Variants in EYS observed in about 807,000 individuals in gnomAD.
EYS encodes the protein EGF-like photoreceptor maintenance factor.
In EYS, 250 loss-of-function variants were observed where a neutral mutation model predicts 282.1. The observed-to-expected ratio is 0.89, with a 90% CI of 0.80 to 0.98. The LOEUF (loss-of-function observed/expected upper bound fraction) is 0.98. Among genes scored for constraint, EYS ranks in the 50% least tolerant of loss-of-function variants. EYS has a pLI of 0.00. For missense variants in EYS, 4,016 were observed against 3,709.0 expected (o/e 1.08, Z -2.15); for synonymous variants, 1,355 against 1,282.9 (o/e 1.06, Z -1.20).
chr6:63,989,474 G>T (rs554440703), intron 34 of EYS, among the ~76,000 whole-genome samples: 3 of 151,572 alleles, frequency 2.0e-5, no homozygotes, highest in Admixed American at 2.0e-4. Flanking sequence ...GCAGTTAAAG[G>T]ATCTCTCTCT....
intron 19 of EYS, among the ~76,000 whole-genome samples, chr6:64,828,802 C>A (rs1266720227): frequency 1.3e-5 from 2 of 151,980 alleles, no homozygotes; most frequent in Non-Finnish European, 2.9e-5. Context: ...TAAGTTCATA[C>A]TGTTTCTGTC....
At chr6:64,098,446 G>GA (rs1231527028) in intron 31 of EYS, among the ~76,000 whole-genome samples, 2 of 151,758 alleles carry the variant, frequency 1.3e-5, no homozygotes, top group East Asian at 1.9e-4. Context: ...TAAATTTTTA[G>GA]AAAAAATAAA....
intron 31 of EYS, among the ~76,000 whole-genome samples, chr6:64,215,605 C>G (rs904652256): frequency 6.6e-6 from 1 of 151,870 alleles, no homozygotes; most frequent in Non-Finnish European, 1.5e-5. Flanking sequence ...AAGGTATTTG[C>G]CAAATATACC....
intron 19 of EYS, among the ~76,000 whole-genome samples, chr6:64,838,567 T>C (rs1765458609): frequency 6.6e-6 from 1 of 151,814 alleles, no homozygotes; most frequent in East Asian, 1.9e-4. Flanking sequence ...CTAAATGATA[T>C]GTAACAATAT....
intron 30 of EYS, among the ~76,000 whole-genome samples, chr6:64,251,809 A>G (rs1452575371): frequency 6.6e-6 from 1 of 152,158 alleles, no homozygotes; most frequent in Non-Finnish European, 1.5e-5. Context: ...GGTTAATGAG[A>G]CCCACAGACA....
intron 30 of EYS, among the ~76,000 whole-genome samples, chr6:64,278,236 T>C (rs1047292978): frequency 3.3e-5 from 5 of 152,174 alleles, no homozygotes; most frequent in Non-Finnish European, 7.4e-5. Flanking sequence ...AGAAAGTTTA[T>C]GTAACTGCTA....
chr6:64,889,353 A>AT (rs558106163), intron 18 of EYS, among the ~76,000 whole-genome samples: 26 of 151,282 alleles, frequency 1.7e-4, no homozygotes, highest in South Asian at 1.0e-3. Flanking sequence ...CTGAGTATTA[A>AT]TTTTTTTTTG....
intron 12 of EYS, among the ~76,000 whole-genome samples, chr6:65,073,540 A>C (rs1057245300): frequency 2.6e-5 from 4 of 151,888 alleles, no homozygotes; most frequent in African/African-American, 9.7e-5. Flanking sequence ...TATTGTATAT[A>C]ATGCCTACAG....
At chr6:63,917,447 T>G (rs1764454551) in intron 35 of EYS, among the ~76,000 whole-genome samples, 1 of 152,254 alleles carries the variant, frequency 6.6e-6, no homozygotes, top group South Asian at 2.1e-4. Flanking sequence ...TTTGGCATTT[T>G]CCTCTGTTCA....
intron 12 of EYS, among the ~76,000 whole-genome samples, chr6:65,291,301 G>T (rs529269053): frequency 6.6e-6 from 1 of 151,406 alleles, no homozygotes; most frequent in Non-Finnish European, 1.5e-5. Flanking sequence ...TTAATAATTG[G>T]CATAGTGAAT....
At chr6:64,715,747 T>C (rs1583072958) in intron 22 of EYS, among the ~76,000 whole-genome samples, 2 of 152,248 alleles carry the variant, frequency 1.3e-5, no homozygotes, top group South Asian at 4.1e-4. Context: ...CTCATTGCCC[T>C]CATAATTCCC....
chr6:65,343,322 T>G (rs1562109247), intron 10 of EYS, among the ~76,000 whole-genome samples: 1 of 151,320 alleles, frequency 6.6e-6, no homozygotes, highest in African/African-American at 2.4e-5. Context: ...ATGGCTTTCT[T>G]AAAATGACCA....
intron 31 of EYS, among the ~76,000 whole-genome samples, chr6:64,094,885 G>T (rs1053222785): frequency 1.3e-5 from 2 of 151,812 alleles, no homozygotes; most frequent in Non-Finnish European, 1.5e-5. Context: ...TCCTTTGTTC[G>T]CATTTAGTGC....
intron 5 of EYS, among the ~76,000 whole-genome samples, chr6:65,438,813 A>G (rs1425539450): frequency 6.6e-6 from 1 of 151,714 alleles, no homozygotes; most frequent in Non-Finnish European, 1.5e-5. Flanking sequence ...TTGCCTGTTC[A>G]CTCTGATGGT....
chr6:63,970,804 T>G (rs1766533649), intron 35 of EYS, among the ~76,000 whole-genome samples: 1 of 152,198 alleles, frequency 6.6e-6, no homozygotes, highest in Admixed American at 6.5e-5. Context: ...CCACTTATTT[T>G]TATTTAAAAA....
intron 26 of EYS, among the ~76,000 whole-genome samples, chr6:64,478,826 A>G (rs1776354373): frequency 6.6e-6 from 1 of 151,318 alleles, no homozygotes; most frequent in Non-Finnish European, 1.5e-5. Context: ...TAATTTAAAA[A>G]TAATTTTCTT....
At chr6:65,284,808 A>G (rs1320387268) in intron 12 of EYS, among the ~76,000 whole-genome samples, 2 of 152,092 alleles carry the variant, frequency 1.3e-5, no homozygotes, top group Non-Finnish European at 2.9e-5. Context: ...ATTTAAAAAT[A>G]CCTAACTTAT....
At chr6:64,395,787 A>T (rs1416284909) in intron 28 of EYS, among the ~76,000 whole-genome samples, 2 of 152,026 alleles carry the variant, frequency 1.3e-5, no homozygotes, top group African/African-American at 4.8e-5. Context: ...GTATAATTAA[A>T]AAAAAAGAAA....
At chr6:65,245,053 T>C (rs1767147061) in intron 12 of EYS, among the ~76,000 whole-genome samples, 1 of 152,168 alleles carries the variant, frequency 6.6e-6, no homozygotes. Context: ...TTATTAAATG[T>C]TTTAACTATT....
Sources: allele counts gnomAD v4.1 joint callset (sites outside exome capture counted in the v4.1 genomes callset), GRCh38; gene constraint gnomAD v4.1.1; transcripts MANE v1.5; gene names NCBI Gene and HGNC (gene_info 2026-07-23, HGNC 2026-07-21).